SH3GL2: variants seen among roughly 807,000 people sequenced by gnomAD.
SH3GL2 encodes the protein endophilin-A1.
In SH3GL2, 24 loss-of-function variants were observed where a neutral mutation model predicts 46.0. The ratio of observed to expected loss-of-function variants is 0.52; its 90% CI spans 0.38 to 0.73. The LOEUF is 0.73. Ranked by LOEUF, SH3GL2 falls within the 30% of genes least tolerant of loss-of-function variation. The pLI, the probability that SH3GL2 is intolerant of heterozygous loss-of-function variation, is 0.00. For synonymous variants in SH3GL2, 196 were observed against 147.1 expected (o/e 1.33, Z -2.40); for missense variants, 413 against 424.2 (o/e 0.97, Z 0.23).
At chr9:17,638,945 G>A (rs1205230387) in intron 1 of SH3GL2, among the ~76,000 whole-genome samples, 1 of 152,214 alleles carries the variant, frequency 6.6e-6, no homozygotes, top group Non-Finnish European at 1.5e-5. Flanking sequence ...GATCCCATAT[G>A]TAAAAATGGA....
chr9:17,699,158 A>G (rs992497638), intron 1 of SH3GL2, among the ~76,000 whole-genome samples: 1 of 115,330 alleles, frequency 8.7e-6, no homozygotes, highest in East Asian at 3.1e-4. Flanking sequence ...TGTCTCAAAA[A>G]AAAAAAAAAA....
At chr9:17,647,427 C>CTCTT (rs1009693248) in intron 1 of SH3GL2, among the ~76,000 whole-genome samples, 5 of 151,710 alleles carry the variant, frequency 3.3e-5, no homozygotes, top group African/African-American at 4.8e-5. Context: ...CTCTCTCTCT[C>CTCTT]TGTCTCTCTC....
intron 1 of SH3GL2, among the ~76,000 whole-genome samples, chr9:17,723,524 A>C (rs140848694): frequency 1.0e-3 from 152 of 152,300 alleles, no homozygotes; most frequent in African/African-American, 3.5e-3. Flanking sequence ...TAATTTGTTG[A>C]GATGAAATCT....
At chr9:17,605,081 T>G (rs1446042925) in intron 1 of SH3GL2, among the ~76,000 whole-genome samples, 1 of 151,526 alleles carries the variant, frequency 6.6e-6, no homozygotes, top group Admixed American at 6.6e-5. Flanking sequence ...CAAGTGATCC[T>G]CTCACCTTAG....
chr9:17,746,822 A>G (rs1221148048), intron 1 of SH3GL2, among the ~76,000 whole-genome samples: 2 of 152,336 alleles, frequency 1.3e-5, no homozygotes, highest in Admixed American at 1.3e-4. Flanking sequence ...AGGAGCACTG[A>G]GGTTGAAATC....
chr9:17,635,928 G>C (rs368775124), intron 1 of SH3GL2, among the ~76,000 whole-genome samples: 77 of 152,294 alleles, frequency 5.1e-4, no homozygotes, highest in African/African-American at 1.7e-3. Context: ...CCTGGTCACA[G>C]CAGCAAGTAA....
At chr9:17,645,720 A>G (rs948347644) in intron 1 of SH3GL2, among the ~76,000 whole-genome samples, 2 of 152,098 alleles carry the variant, frequency 1.3e-5, no homozygotes, top group African/African-American at 4.8e-5. Flanking sequence ...TCTGGCTCCT[A>G]GGGTTTCTGC....
chr9:17,586,817 A>C (rs759641322), intron 1 of SH3GL2, among the ~76,000 whole-genome samples: 2 of 152,210 alleles, frequency 1.3e-5, no homozygotes, highest in Non-Finnish European at 2.9e-5. Flanking sequence ...TGTGGGAACT[A>C]CAGTTTAAGA....
At chr9:17,610,739 T>TA (rs397790058) in intron 1 of SH3GL2, among the ~76,000 whole-genome samples, 1 of 151,986 alleles carries the variant, frequency 6.6e-6, no homozygotes, top group Non-Finnish European at 1.5e-5. Flanking sequence ...GTTTTTTTTT[T>TA]AATAAAAGCG....
chr9:17,615,835 G>A (rs957115508), intron 1 of SH3GL2, among the ~76,000 whole-genome samples: 3 of 151,720 alleles, frequency 2.0e-5, no homozygotes, highest in African/African-American at 7.3e-5. Context: ...CTAGAACTCA[G>A]TCAAAAACTA....
chr9:17,623,981 C>T (rs1446619262), intron 1 of SH3GL2, among the ~76,000 whole-genome samples: 1 of 152,188 alleles, frequency 6.6e-6, no homozygotes, highest in Non-Finnish European at 1.5e-5. Context: ...CTGTCTCATA[C>T]AGGTTCTAGT....
intron 2 of SH3GL2, among the ~76,000 whole-genome samples, chr9:17,759,902 G>A (rs1311745463): frequency 6.6e-6 from 1 of 152,088 alleles, no homozygotes; most frequent in Non-Finnish European, 1.5e-5. Flanking sequence ...ATCTACATTT[G>A]TACTTCTATC....
chr9:17,720,424 G>T (rs796143952), intron 1 of SH3GL2, among the ~76,000 whole-genome samples: 3 of 152,230 alleles, frequency 2.0e-5, no homozygotes, highest in African/African-American at 7.2e-5. Flanking sequence ...GGTTGAGGAA[G>T]ATTTATGAAC....
intron 1 of SH3GL2, among the ~76,000 whole-genome samples, chr9:17,743,307 T>C (rs1209661648): frequency 6.6e-6 from 1 of 152,162 alleles, no homozygotes; most frequent in Admixed American, 6.5e-5. Flanking sequence ...ACAATATAGA[T>C]GTTATTTTTA....
intron 1 of SH3GL2, among the ~76,000 whole-genome samples, chr9:17,624,424 A>C (rs1819230984): frequency 6.6e-6 from 1 of 152,224 alleles, no homozygotes; most frequent in Admixed American, 6.5e-5. Flanking sequence ...TCCAGTCTTC[A>C]CAGTGATAGG....
At chr9:17,659,894 G>T (rs1236358939) in intron 1 of SH3GL2, among the ~76,000 whole-genome samples, 1 of 152,176 alleles carries the variant, frequency 6.6e-6, no homozygotes, top group Non-Finnish European at 1.5e-5. Context: ...CTGGGTTCTT[G>T]ATATGACTTT....
At chr9:17,683,569 G>C (rs1421312760) in intron 1 of SH3GL2, among the ~76,000 whole-genome samples, 1 of 142,744 alleles carries the variant, frequency 7.0e-6, no homozygotes, top group South Asian at 2.4e-4. Context: ...GGAGGAGGTA[G>C]ATCACTTGGA....
At chr9:17,795,482 C>A in intron 8 of SH3GL2, 62 bp from the exon 9 acceptor site, 4 of 1,355,362 alleles carry the variant, frequency 3.0e-6, no homozygotes, top group Admixed American at 3.6e-5. Flanking sequence ...GCAGCAGATT[C>A]TGTGAGTTAA....
chr9:17,700,659 C>T (rs900442229), intron 1 of SH3GL2, among the ~76,000 whole-genome samples: 1 of 152,034 alleles, frequency 6.6e-6, no homozygotes, highest in African/African-American at 2.4e-5. Context: ...TTTCTCTATT[C>T]TGTGCTTGTG....
Sources: gnomAD v4.1 joint callset for allele counts (sites outside exome capture counted in the v4.1 genomes callset) on GRCh38, gnomAD v4.1.1 for gene constraint, MANE v1.5 for transcripts, NCBI Gene and HGNC (gene_info 2026-07-23, HGNC 2026-07-21) for gene names.